Variants in HIP1 observed in about 807,000 individuals in gnomAD.
The protein encoded by HIP1 is huntingtin-interacting protein 1.
In HIP1, 65 loss-of-function variants were observed where a neutral mutation model predicts 147.6. The observed-to-expected ratio is 0.44, with a 90% CI of 0.36 to 0.54. HIP1 has a LOEUF of 0.54. HIP1 is among the 20% of genes least tolerant of loss of function. The pLI, the probability that HIP1 is intolerant of heterozygous loss-of-function variation, is 0.00. For synonymous variants in HIP1, 479 were observed against 504.0 expected, an observed-to-expected ratio of 0.95 and a Z score of 0.67; for missense variants, 1,061 against 1,299.6, an observed-to-expected ratio of 0.82 and a Z score of 2.82.
chr7:75,558,737 G>A (rs75370968), intron 14 of HIP1, among the ~76,000 whole-genome samples: 1 of 152,172 alleles, frequency 6.6e-6, no homozygotes, highest in Admixed American at 6.6e-5. Context: ...TCAAGCCAGG[G>A]GCCAAGCGAG....
At chr7:75,660,163 G>A (rs1584927932) in intron 1 of HIP1, among the ~76,000 whole-genome samples, 2 of 150,964 alleles carry the variant, frequency 1.3e-5, no homozygotes, top group Admixed American at 1.3e-4. Context: ...CTCAGGTTCT[G>A]GTGTCAAGAC....
chr7:75,678,888 G>T (rs916592209), intron 1 of HIP1, among the ~76,000 whole-genome samples: 4 of 152,178 alleles, frequency 2.6e-5, no homozygotes, highest in Non-Finnish European at 5.9e-5. Flanking sequence ...ACCTTAAGAA[G>T]TAAGTCAGTA....
rs60972195 is a variant in HIP1, at chr7:75,647,211, C to CAAAAAAAAAA, written c.121-47974_121-47965dup. 1.8e-3 allele frequency among the ~76,000 whole-genome samples: 102 copies of CAAAAAAAAAA among 57,998 alleles called. 29 individuals are homozygous for CAAAAAAAAAA. Among genetic ancestry groups the CAAAAAAAAAA allele is most frequent in the East Asian group, 4.6e-3 (7 of 1,538 alleles). The allele number at this position is 57,998 out of a possible 152,430, so 38.0% of individuals were successfully genotyped here. ...CGAAACCCCATCTCTACTAAAAATA[C>CAAAAAAAAAA]AAAAAAAAAAAAAAAAAAAAAAAAA... On this transcript the variant is annotated intron_variant, in intron 1 of 30. Transcript: ENST00000336926.
intron 10 of HIP1, 22 bp downstream of exon 10, chr7:75,563,166 G>T (rs782073391): frequency 1.2e-6 from 2 of 1,613,994 alleles, no homozygotes; most frequent in Non-Finnish European, 1.7e-6. Context: ...AGTGCCGAGG[G>T]TGTGTGGTTG....
Position 75,537,977 on chromosome 7 carries a change from T to A in HIP1, c.*195A>T. On this transcript the variant is annotated 3_prime_UTR_variant, in exon 31 of 31. Coordinates refer to ENST00000336926, the MANE Select transcript of HIP1 (RefSeq NM_005338.7). The stretch of plus-strand genomic sequence containing the variant: ...TAGGGAGGCGGGAAAAGAACAGAGA[T>A]GACCATGGGTCCAAACAGAAAGGGT... 1.6e-6 allele frequency: 1 copy of A among 621,480 alleles called. No homozygotes were observed. The highest frequency in any genetic ancestry group is 3.0e-6 in the Non-Finnish European group (1 of 337,650). The allele number at this position is 621,480 out of a possible 1,614,324, so 38.5% of individuals were successfully genotyped here.
chr7:75,681,497 C>CT (rs10546838), intron 1 of HIP1, among the ~76,000 whole-genome samples: 9,163 of 122,236 alleles, frequency 0.075, 1,347 homozygotes, highest in Non-Finnish European at 0.098. Context: ...ACAGCACCTG[C>CT]TTTTTTTTTT....
intron 1 of HIP1, among the ~76,000 whole-genome samples, chr7:75,686,493 C>T (rs1416265026): frequency 6.6e-6 from 1 of 152,146 alleles, no homozygotes; most frequent in Non-Finnish European, 1.5e-5. Context: ...TTCCTCTTAG[C>T]TGGGGTTCCC....
chr7:75,726,674 C>T (rs1157240421), intron 1 of HIP1, among the ~76,000 whole-genome samples: 1 of 150,248 alleles, frequency 6.7e-6, no homozygotes, highest in African/African-American at 2.5e-5. Flanking sequence ...TCCTGATGGG[C>T]ATGTAGAGGT....
At chr7:75,675,815 C>CA (rs1280936765) in intron 1 of HIP1, among the ~76,000 whole-genome samples, 1 of 152,020 alleles carries the variant, frequency 6.6e-6, no homozygotes, top group African/African-American at 2.4e-5. Flanking sequence ...GCTGTTGCTA[C>CA]AAAAAAATTT....
intron 2 of HIP1, among the ~76,000 whole-genome samples, chr7:75,593,729 T>G (rs782047306): frequency 1.3e-5 from 2 of 150,644 alleles, no homozygotes; most frequent in African/African-American, 4.9e-5. Flanking sequence ...TGGCTCCTCC[T>G]CCAGGCAGCA....
chr7:75,611,585 C>T, intron 1 of HIP1: 1 of 737,928 alleles, frequency 1.4e-6, no homozygotes, highest in Non-Finnish European at 1.7e-6. Flanking sequence ...TGGTTCTGAA[C>T]TGTTCCCGCC....
chr7:75,705,407 G>A (rs1406503560), intron 1 of HIP1, among the ~76,000 whole-genome samples: 8 of 145,094 alleles, frequency 5.5e-5, no homozygotes, highest in Middle Eastern at 3.5e-3. Context: ...CACTCTTGTC[G>A]CCCAGGCTGG....
At chr7:75,589,161 AAAAG>A (rs1339040901) in intron 4 of HIP1, among the ~76,000 whole-genome samples, 2 of 151,890 alleles carry the variant, frequency 1.3e-5, no homozygotes, top group East Asian at 1.9e-4. Context: ...AAAAAAAAAA[AAAAG>A]AAGAAGAAGA....
chr7:75,557,856 C>T (rs1359585100), intron 15 of HIP1, 86 bp from the exon 16 acceptor site: 12 of 1,015,554 alleles, frequency 1.2e-5, no homozygotes, highest in East Asian at 7.1e-5. Context: ...TCAGGCTGTG[C>T]GTGCCCTAGA....
At chr7:75,657,894 A>G (rs1799192846) in intron 1 of HIP1, among the ~76,000 whole-genome samples, 1 of 151,316 alleles carries the variant, frequency 6.6e-6, no homozygotes. Context: ...TAGAATTTAA[A>G]TACACACACA....
rs1006027575 is a variant in HIP1, at chr7:75,578,155, C to T, written c.604+3082G>A. On this transcript the variant is annotated intron_variant, in intron 7 of 30. Transcript: ENST00000336926. Reference sequence around the variant, plus strand: ...ACCATCTCCGCTTACTCATGGTCCACGGTCTGTCAGGAACTGGAAGGATGA... The same window carrying T: ...ACCATCTCCGCTTACTCATGGTCCATGGTCTGTCAGGAACTGGAAGGATGA... Among the ~76,000 whole-genome samples, 17 of 152,292 alleles carry T rather than the reference C, an allele frequency of 1.1e-4. 1 individual carries two copies. The highest frequency in any genetic ancestry group is 4.1e-4 in the African/African-American group (17 of 41,566).
intron 1 of HIP1, among the ~76,000 whole-genome samples, chr7:75,645,478 C>T (rs940437986): frequency 6.6e-6 from 1 of 152,108 alleles, no homozygotes; most frequent in Non-Finnish European, 1.5e-5. Flanking sequence ...CTGCCTGCCT[C>T]GGCCTCCCAA....
intron 1 of HIP1, among the ~76,000 whole-genome samples, chr7:75,619,515 CAA>C (rs587631989): frequency 6.8e-4 from 75 of 109,664 alleles, no homozygotes; most frequent in Admixed American, 7.9e-4. Flanking sequence ...GACTTTGTCT[CAA>C]AAAAAAAAAA....
rs782034652 is a variant in HIP1, at chr7:75,555,563, C to A, written c.1828-12G>T. 1.1e-5 allele frequency: 17 copies of A among 1,612,102 alleles called. No individual in the cohort carries two copies. The highest frequency in any genetic ancestry group is 3.3e-5 in the South Asian group (3 of 91,072). On this transcript the variant is annotated splice_polypyrimidine_tract_variant and intron_variant, in intron 18 of 30. Coordinates refer to ENST00000336926, the MANE Select transcript of HIP1 (RefSeq NM_005338.7). Reference sequence around the variant, plus strand: ...TGGCACATAGATTCCTAAAAATGGTCCAGGGAGGTGAGAGTCTGCCCTAGA... The same window carrying A: ...TGGCACATAGATTCCTAAAAATGGTACAGGGAGGTGAGAGTCTGCCCTAGA...
Sources: gnomAD v4.1 joint callset for allele counts (sites outside exome capture counted in the v4.1 genomes callset) on GRCh38, gnomAD v4.1.1 for gene constraint, MANE v1.5 for transcripts, NCBI Gene and HGNC (gene_info 2026-07-23, HGNC 2026-07-21) for gene names.